ABHD12B: variants seen among roughly 807,000 people sequenced by gnomAD.
ABHD12B encodes the protein abhydrolase domain containing 12B.
In ABHD12B, 42 loss-of-function variants were observed where a neutral mutation model predicts 50.4. The ratio of observed to expected loss-of-function variants is 0.83; its 90% CI spans 0.65 to 1.08. ABHD12B has a LOEUF of 1.08. Ranked by LOEUF, ABHD12B falls within the 50% of genes least tolerant of loss-of-function variation. The pLI, the probability that ABHD12B is intolerant of heterozygous loss-of-function variation, is 0.00. For missense variants in ABHD12B, 479 were observed against 447.7 expected, an observed-to-expected ratio of 1.07 and a Z score of -0.63; for synonymous variants, 167 against 160.3, an observed-to-expected ratio of 1.04 and a Z score of -0.32.
chr14:50,894,857 C>A (rs979710876), intron 9 of ABHD12B, among the ~76,000 whole-genome samples: 4 of 148,352 alleles, frequency 2.7e-5, no homozygotes, highest in Non-Finnish European at 5.9e-5. Flanking sequence ...CTCCCCTCCT[C>A]GCCAGGCCGA....
At chr14:50,880,390 G>A in intron 3 of ABHD12B, 62 bp from the exon 4 acceptor site, 2 of 1,495,390 alleles carry the variant, frequency 1.3e-6, no homozygotes, top group South Asian at 2.9e-5. Context: ...GAGACTTTCG[G>A]CCTTTGGAAA....
chr14:50,880,139 TA>T (rs947310401), intron 3 of ABHD12B, among the ~76,000 whole-genome samples: 1 of 151,914 alleles, frequency 6.6e-6, no homozygotes, highest in Non-Finnish European at 1.5e-5. Context: ...TTTCCCTTTT[TA>T]AAAAAAACAA....
At chr14:50,896,054 C>T (rs993448992) in intron 9 of ABHD12B, among the ~76,000 whole-genome samples, 7 of 152,022 alleles carry the variant, frequency 4.6e-5, no homozygotes, top group African/African-American at 1.4e-4. Context: ...TTGTATCCCC[C>T]GACCTTAACC....
rs151043286 is a variant in ABHD12B at position 50,904,380 on chromosome 14, G to A, written c.*14G>A. 160 of 1,613,800 alleles carry A rather than the reference G, an allele frequency of 9.9e-5. No homozygotes were observed. In the East Asian group the frequency reaches 3.6e-3, roughly 36 times the overall value. ...CAGTGGTCATGAGTCTGGGAGGAGT[G>A]GAAATCTTCAATGAAGACTTGGCCC... On this transcript the variant is annotated 3_prime_UTR_variant, in exon 13 of 13. Transcript: ENST00000337334.
chr14:50,898,907 T>C (rs539680062), intron 9 of ABHD12B, among the ~76,000 whole-genome samples: 1 of 152,212 alleles, frequency 6.6e-6, no homozygotes, highest in African/African-American at 2.4e-5. Context: ...ACCAAGGAGA[T>C]TCCAGCTGGG....
At position 50,886,807 on chromosome 14, in the gene ABHD12B, T is replaced by C. The variant is rs1260575293; in HGVS notation, c.700+123T>C. The C allele has an allele frequency of 1.3e-5, 10 of 797,258 alleles. No individual in the cohort carries two copies. In the East Asian group the frequency reaches 1.6e-4, roughly 13 times the overall value. The allele number at this position is 797,258 out of a possible 1,614,324, so 49.4% of individuals were successfully genotyped here. On this transcript the variant is annotated intron_variant, in intron 8 of 12. Coordinates refer to ENST00000337334, the MANE Select transcript of ABHD12B (RefSeq NM_001206673.2). ...CAAAAGCATCCCAACTTTAGATGGT[T>C]TCTGGCAGTGCAACAGGCTTTCTTT...
At chr14:50,889,103 T>C (rs2050082864) in intron 9 of ABHD12B, among the ~76,000 whole-genome samples, 200 bp downstream of exon 9, 1 of 152,226 alleles carries the variant, frequency 6.6e-6, no homozygotes. Flanking sequence ...TGATATTTCC[T>C]TCACTTTCTT....
At chr14:50,873,848 A>T (rs1289748697) in intron 1 of ABHD12B, among the ~76,000 whole-genome samples, 3 of 152,202 alleles carry the variant, frequency 2.0e-5, no homozygotes, top group African/African-American at 7.2e-5. Context: ...CACTTTGTTG[A>T]TAATGGAGTG....
intron 7 of ABHD12B, among the ~76,000 whole-genome samples, chr14:50,886,423 G>C (rs2050038262): frequency 7.0e-6 from 1 of 143,866 alleles, no homozygotes; most frequent in Non-Finnish European, 1.5e-5. Context: ...CTGGGTGACA[G>C]AGTGAGGCTC....
chr14:50,885,427 A>G (rs994070046), intron 5 of ABHD12B, among the ~76,000 whole-genome samples, 187 bp from the exon 6 acceptor site: 26 of 152,184 alleles, frequency 1.7e-4, no homozygotes, highest in African/African-American at 5.6e-4. Context: ...TCTTTTAAAT[A>G]TCTTCATCGA....
At chr14:50,902,022 A>T in intron 10 of ABHD12B, 111 bp downstream of exon 10, 1 of 654,552 alleles carries the variant, frequency 1.5e-6, no homozygotes, top group Non-Finnish European at 2.5e-6. Flanking sequence ...TATCATTCTT[A>T]TTCTTAGAAT....
chr14:50,872,220 G>C lies in ABHD12B; in HGVS notation c.46G>C (p.Gly16Arg). ...GGCGGCCGCATCGCCCGAGCCGCCC[G>C]GGCCCCCAGCCCGTAGCTGCGTGGC... ...CQAAASPEPP[G>R]PPARSCVAAW... Residue 16 changes from glycine to arginine, a missense_variant, in exon 1 of 13, where the codon GGG becomes CGG. Physicochemically the swap from Gly to Arg is moderately radical, Grantham distance 125. Coordinates refer to ENST00000337334, the MANE Select transcript of ABHD12B (RefSeq NM_001206673.2). 1 of 1,387,464 alleles carries C rather than the reference G, an allele frequency of 7.2e-7. No homozygotes were observed. The highest frequency in any genetic ancestry group is 9.4e-7 in the Non-Finnish European group (1 of 1,067,790). 85.9% of individuals were successfully genotyped at this position (1,387,464 alleles called of 1,614,324 possible).
At chr14:50,897,778 CT>C (rs1254740158) in intron 9 of ABHD12B, among the ~76,000 whole-genome samples, 3 of 152,198 alleles carry the variant, frequency 2.0e-5, no homozygotes, top group Non-Finnish European at 2.9e-5. Flanking sequence ...GCGAAGACCA[CT>C]GCACAGGGTT....
chr14:50,879,742 A>G (rs2049914011), intron 3 of ABHD12B, among the ~76,000 whole-genome samples: 1 of 152,208 alleles, frequency 6.6e-6, no homozygotes, highest in African/African-American at 2.4e-5. Context: ...TGGTTTGGTG[A>G]GTCAGCTATC....
At chr14:50,886,981 T>C (rs57203557) in intron 8 of ABHD12B, among the ~76,000 whole-genome samples, 147,386 of 151,984 alleles carry the variant, frequency 0.97, 71,627 homozygotes, top group Middle Eastern at 1. Flanking sequence ...TTTGGGAGGC[T>C]GAGGTGGGTG....
At chr14:50,903,524 T>G in intron 11 of ABHD12B, 57 bp downstream of exon 11, 1 of 1,463,728 alleles carries the variant, frequency 6.8e-7, no homozygotes, top group Non-Finnish European at 9.4e-7. Flanking sequence ...ACCATTTTTT[T>G]CATTCAGCCA....
At chr14:50,872,436 G>T (rs1406742609) in intron 1 of ABHD12B, among the ~76,000 whole-genome samples, 158 bp downstream of exon 1, 2 of 152,242 alleles carry the variant, frequency 1.3e-5, no homozygotes, top group Non-Finnish European at 2.9e-5. Flanking sequence ...GCGGCCCCCT[G>T]AGAACTCTAG....
chr14:50,878,777 C>A lies in ABHD12B; in HGVS notation c.265C>A (p.Pro89Thr). The change falls in exon 3 of 13, where the codon CCA (proline) becomes ACA (threonine). Residue 89 changes from proline (P) to threonine (T), a missense_variant. Physicochemically the swap from Pro to Thr is conservative, Grantham distance 38. Transcript: ENST00000337334. ...CCCATTTCTTGTGGATTTAAAGAAA[C>A]CAGAGTTAAAGATTCCTCACACAGT... ...KAPFLVDLKKPELKIPHTVNF... is the reference protein window; with the variant it reads ...KAPFLVDLKKTELKIPHTVNF... 1 of 1,613,922 alleles carries A rather than the reference C, an allele frequency of 6.2e-7. No homozygotes were observed. Among genetic ancestry groups the A allele is most frequent in the Non-Finnish European group, 8.5e-7 (1 of 1,179,860 alleles).
intron 9 of ABHD12B, among the ~76,000 whole-genome samples, chr14:50,896,293 G>A (rs879509694): frequency 7.2e-5 from 11 of 151,778 alleles, no homozygotes; most frequent in African/African-American, 2.4e-4. Context: ...GAGAAACATC[G>A]CCCATTCTCC....
Sources: gnomAD v4.1 joint callset for allele counts (sites outside exome capture counted in the v4.1 genomes callset) on GRCh38, gnomAD v4.1.1 for gene constraint, MANE v1.5 for transcripts, NCBI Gene and HGNC (gene_info 2026-07-23, HGNC 2026-07-21) for gene names.